RAB2B: variants seen among roughly 807,000 people sequenced by gnomAD.
The protein encoded by RAB2B is RAB2B, member RAS oncogene family.
RAB2B carries 20 observed loss-of-function variants against 29.8 expected under a neutral mutation model. The observed-to-expected ratio is 0.67, with a 90% CI of 0.47 to 0.97. RAB2B has a LOEUF of 0.97. Ranked by LOEUF, RAB2B falls within the 50% of genes least tolerant of loss-of-function variation. RAB2B has a pLI of 0.00. For missense variants in RAB2B, 218 were observed against 272.0 expected (o/e 0.80, Z 1.40); for synonymous variants, 93 against 91.7 (o/e 1.01, Z -0.08).
intron 5 of RAB2B, 69 bp from the exon 6 acceptor site, chr14:21,463,836 A>G: frequency 9.5e-7 from 1 of 1,052,748 alleles, no homozygotes; most frequent in Non-Finnish European, 1.4e-6. Flanking sequence ...TCTATTTCTA[A>G]AAGAATTCCG....
intron 2 of RAB2B, among the ~76,000 whole-genome samples, chr14:21,475,713 T>C (rs922868884): frequency 1.3e-5 from 2 of 152,242 alleles, no homozygotes; most frequent in Admixed American, 6.5e-5. Flanking sequence ...TCGCTCAATA[T>C]TCCCTTTAAA....
intron 3 of RAB2B, 33 bp downstream of exon 3, chr14:21,474,834 T>C (rs1250653394): frequency 6.4e-7 from 1 of 1,564,388 alleles, no homozygotes; most frequent in East Asian, 2.2e-5. Context: ...TACTTGGATA[T>C]TGGTCAGAGA....
intron 5 of RAB2B, among the ~76,000 whole-genome samples, chr14:21,464,041 CACA>C (rs919457649): frequency 2.0e-5 from 3 of 152,060 alleles, no homozygotes; most frequent in Non-Finnish European, 4.4e-5. Context: ...CCCATAGTTA[CACA>C]AAGCTTATGC....
chr14:21,474,542 G>A (rs1274233490), intron 3 of RAB2B: 1 of 273,570 alleles, frequency 3.7e-6, no homozygotes, highest in African/African-American at 2.2e-5. Context: ...CATCAGTAAT[G>A]ATTTCCCTGC....
At chr14:21,461,820 T>A (rs979159606) in intron 7 of RAB2B, among the ~76,000 whole-genome samples, 6 of 152,174 alleles carry the variant, frequency 3.9e-5, no homozygotes, top group Non-Finnish European at 7.3e-5. Flanking sequence ...TCTCCCCAGC[T>A]CAGCCTCTCC....
intron 3 of RAB2B, among the ~76,000 whole-genome samples, chr14:21,470,236 A>G (rs1342410807): frequency 6.6e-6 from 1 of 152,106 alleles, no homozygotes; most frequent in Non-Finnish European, 1.5e-5. Flanking sequence ...TACAGGCATG[A>G]GCCACCGTGC....
intron 6 of RAB2B, among the ~76,000 whole-genome samples, chr14:21,463,061 C>A (rs1890601337): frequency 6.6e-6 from 1 of 151,938 alleles, no homozygotes; most frequent in South Asian, 2.1e-4. Context: ...GGAATGACTA[C>A]AGTAGAACCC....
chr14:21,474,475 T>C (rs1890899262), intron 3 of RAB2B: 1 of 184,372 alleles, frequency 5.4e-6, no homozygotes, highest in Non-Finnish European at 1.1e-5. Context: ...TATTTCTATG[T>C]GTTTACATGT....
intron 7 of RAB2B, 80 bp downstream of exon 7, chr14:21,462,269 GT>G: frequency 9.2e-7 from 1 of 1,088,358 alleles, no homozygotes; most frequent in Non-Finnish European, 1.3e-6. Context: ...GATGGGGAAT[GT>G]AAGCATTCCA....
rs1343267973 is a variant in RAB2B at position 21,459,873 on chromosome 14, G to T, written c.*1323C>A. On this transcript the variant is annotated 3_prime_UTR_variant, in exon 8 of 8. Coordinates refer to ENST00000397762, the MANE Select transcript of RAB2B (RefSeq NM_032846.4). ...AGAAAGTCTAGGTCTAGTTAAGAAG[G>T]GAGTTTGATGAAACAGTAGAAGTCT... The T allele has an allele frequency of 7.7e-6, 2 of 260,260 alleles. No homozygotes were observed. The highest frequency in any genetic ancestry group is 4.5e-5 in the African/African-American group (2 of 44,914). 16.1% of individuals were successfully genotyped at this position (260,260 alleles called of 1,614,324 possible).
intron 3 of RAB2B, among the ~76,000 whole-genome samples, chr14:21,472,603 CT>C (rs1415798532): frequency 6.6e-6 from 1 of 152,066 alleles, no homozygotes; most frequent in Non-Finnish European, 1.5e-5. Flanking sequence ...AAACTGGTTC[CT>C]TTTTATGATT....
At chr14:21,471,645 G>A (rs1399717318) in intron 3 of RAB2B, among the ~76,000 whole-genome samples, 5 of 147,806 alleles carry the variant, frequency 3.4e-5, no homozygotes, top group African/African-American at 1.2e-4. Context: ...AAGAAAAGAT[G>A]CAGCAGCAAC....
At chr14:21,468,603 GAAAA>G in intron 4 of RAB2B, 63 bp downstream of exon 4, 1 of 1,081,612 alleles carries the variant, frequency 9.2e-7, no homozygotes, top group Non-Finnish European at 1.3e-6. Context: ...TCAGTAGATA[GAAAA>G]AAAAAAAAAG....
At position 21,476,821 on chromosome 14, in the gene RAB2B, G is replaced by C. The variant is rs371642464; in HGVS notation, c.46+6C>G. 2.8e-5 allele frequency: 45 copies of C among 1,613,274 alleles called. No homozygotes were observed. Among genetic ancestry groups the C allele is most frequent in the Non-Finnish European group, 3.8e-5 (45 of 1,179,944 alleles). On this transcript the variant is annotated splice_donor_region_variant and intron_variant, in intron 1 of 7. Transcript: ENST00000397762. The stretch of plus-strand genomic sequence containing the variant: ...GAGCCTTGAAGGCGAACCACCTGAG[G>C]GTTACCTGTGTCTCCGATGATGATA...
chr14:21,463,561 T>C lies in RAB2B; in HGVS notation c.474+95A>G. ...CGCGCTCGGCCAAGACATCCTTTCT[T>C]TACCAATTTCTTATAGGAGAAGAGA... On this transcript the variant is annotated intron_variant, in intron 6 of 7. Transcript: ENST00000397762. 19 of 962,764 alleles carry C rather than the reference T, an allele frequency of 2.0e-5. 1 individual carries two copies. In the South Asian group the frequency reaches 2.7e-4, roughly 14 times the overall value. The allele number at this position is 962,764 out of a possible 1,614,324, so 59.6% of individuals were successfully genotyped here.
intron 5 of RAB2B, among the ~76,000 whole-genome samples, chr14:21,464,998 C>CAA (rs151156068): frequency 2.9e-4 from 41 of 140,758 alleles, no homozygotes; most frequent in African/African-American, 8.8e-4. Context: ...GACCTTGTCG[C>CAA]AAAAAAAAAA....
intron 5 of RAB2B, 29 bp from the exon 6 acceptor site, chr14:21,463,796 T>A (rs11848193): frequency 0.13 from 181,716 of 1,379,320 alleles, 14,719 homozygotes; most frequent in African/African-American, 0.35. Context: ...GGAGAAAATT[T>A]AAAAAAAAGA....
intron 3 of RAB2B, among the ~76,000 whole-genome samples, chr14:21,471,450 C>A (rs1890811729): frequency 6.6e-6 from 1 of 151,628 alleles, no homozygotes; most frequent in African/African-American, 2.4e-5. Flanking sequence ...AACCACGCCT[C>A]TAAAAAAAAT....
At chr14:21,474,257 C>T (rs1186435413) in intron 3 of RAB2B, among the ~76,000 whole-genome samples, 1 of 152,178 alleles carries the variant, frequency 6.6e-6, no homozygotes, top group Non-Finnish European at 1.5e-5. Flanking sequence ...AAATTTCTAT[C>T]AGTAGGATGA....
Sources: allele counts gnomAD v4.1 joint callset (sites outside exome capture counted in the v4.1 genomes callset), GRCh38; gene constraint gnomAD v4.1.1; transcripts MANE v1.5; gene names NCBI Gene and HGNC (gene_info 2026-07-23, HGNC 2026-07-21).